Variants in ZC3H18 observed in about 807,000 individuals in gnomAD.
The protein encoded by ZC3H18 is zinc finger CCCH domain-containing protein 18.
ZC3H18 carries 8 observed loss-of-function variants against 106.1 expected under a neutral mutation model. The ratio of observed to expected loss-of-function variants is 0.08; its 90% CI spans 0.04 to 0.14. The LOEUF (loss-of-function observed/expected upper bound fraction) is 0.14. Among genes scored for constraint, ZC3H18 ranks in the 10% least tolerant of loss-of-function variants. The pLI, the probability that ZC3H18 is intolerant of heterozygous loss-of-function variation, is 1.00. For synonymous variants in ZC3H18, 635 were observed against 522.1 expected (o/e 1.22, Z -2.95); for missense variants, 1,318 against 1,278.4 (o/e 1.03, Z -0.47).
intron 10 of ZC3H18, chr16:88,623,677 A>G: frequency 1.8e-6 from 1 of 562,686 alleles, no homozygotes; most frequent in South Asian, 2.5e-5. Context: ...CTGCTGCCCC[A>G]CTGCCAAGGA....
chr16:88,594,347 T>G (rs1238714201), intron 3 of ZC3H18, among the ~76,000 whole-genome samples: 2 of 152,258 alleles, frequency 1.3e-5, no homozygotes, highest in Non-Finnish European at 2.9e-5. Context: ...TACGTATCAA[T>G]AGAAATGACA....
At position 88,580,155 on chromosome 16, in the gene ZC3H18, TC is replaced by T. The variant is rs570754764; in HGVS notation, c.603+2430del. On this transcript the variant is annotated intron_variant, in intron 2 of 17. Transcript: ENST00000301011. ...GCCTCTCTGTCGTGACACAGGTTCA[TC>T]TGTGTGTGTGTGTGTGTGTGTGTGT... Among the ~76,000 whole-genome samples, 341 of 136,250 alleles carry T rather than the reference TC, an allele frequency of 2.5e-3. 1 individual carries two copies. Among genetic ancestry groups the T allele is most frequent in the Non-Finnish European group, 4.2e-3 (268 of 64,014 alleles). The allele number at this position is 136,250 out of a possible 152,430, so 89.4% of individuals were successfully genotyped here.
At chr16:88,622,915 C>A in intron 9 of ZC3H18, 1 of 418,678 alleles carries the variant, frequency 2.4e-6, no homozygotes, top group Non-Finnish European at 4.4e-6. Context: ...TAGACACACA[C>A]ACGGACCCAC....
intron 6 of ZC3H18, among the ~76,000 whole-genome samples, chr16:88,602,984 A>C (rs556248417): frequency 6.7e-6 from 1 of 148,842 alleles, no homozygotes; most frequent in African/African-American, 2.5e-5. Context: ...TTTTTTTTTG[A>C]GACGGAGTCT....
At chr16:88,629,002 G>A (rs1906498274) in intron 16 of ZC3H18, 148 bp downstream of exon 16, 1 of 731,648 alleles carries the variant, frequency 1.4e-6, no homozygotes, top group Non-Finnish European at 2.3e-6. Context: ...CGGTATTTAG[G>A]GTGTTGAAAA....
chr16:88,623,314 G>C lies in ZC3H18; in HGVS notation c.1763G>C (p.Arg588Thr), dbSNP rs767513993. 5 of 1,613,666 alleles carry C rather than the reference G, an allele frequency of 3.1e-6. No homozygotes were observed. Among genetic ancestry groups the C allele is most frequent in the Non-Finnish European group, 3.4e-6 (4 of 1,179,992 alleles). Residue 588 changes from arginine to threonine, a missense_variant, in exon 10 of 18, where the codon AGA becomes ACA. By Grantham distance (71) the Arg-to-Thr change is moderately conservative. This residue lies in a region of ZC3H18 where 848 missense variants were observed against 821.7 expected (regional missense o/e 1.03). Coordinates refer to ENST00000301011, the MANE Select transcript of ZC3H18 (RefSeq NM_144604.4). ...AGCTCCTACTCCAGCCGCTCTTCCA[G>C]ACACAGCTCGTTCTCAGGAAGCCGG... Reference protein sequence around the residue: ...SYSSYSSRSSRHSSFSGSRSR... With the variant: ...SYSSYSSRSSTHSSFSGSRSR...
intron 5 of ZC3H18, among the ~76,000 whole-genome samples, chr16:88,599,225 C>T (rs533130637): frequency 1.3e-5 from 2 of 152,236 alleles, no homozygotes; most frequent in Admixed American, 1.3e-4. Flanking sequence ...CCAGGATCTG[C>T]ACCCCACACT....
chr16:88,601,270 A>G (rs1206918553), intron 6 of ZC3H18, among the ~76,000 whole-genome samples: 1 of 152,128 alleles, frequency 6.6e-6, no homozygotes, highest in Admixed American at 6.5e-5. Flanking sequence ...TTGAGTCAGA[A>G]CTCTGCAGGA....
intron 7 of ZC3H18, 144 bp from the exon 8 acceptor site, chr16:88,611,124 C>G: frequency 1.5e-6 from 1 of 677,310 alleles, no homozygotes; most frequent in Non-Finnish European, 2.7e-6. Context: ...GTCGGGAGCA[C>G]TTGGCGTTTT....
intron 8 of ZC3H18, among the ~76,000 whole-genome samples, chr16:88,620,783 T>TC (rs1454293397): frequency 5.3e-5 from 8 of 152,134 alleles, no homozygotes; most frequent in Non-Finnish European, 1.2e-4. Context: ...ACCCATTAAT[T>TC]CCATTGCTCA....
chr16:88,585,981 C>T (rs1474762132), intron 2 of ZC3H18, among the ~76,000 whole-genome samples: 5 of 152,090 alleles, frequency 3.3e-5, no homozygotes, highest in African/African-American at 1.2e-4. Flanking sequence ...TCCGTGGGAA[C>T]AGGCCCTGGG....
chr16:88,624,243 C>T (rs1906152209), intron 11 of ZC3H18, 181 bp downstream of exon 11: 10 of 810,226 alleles, frequency 1.2e-5, no homozygotes, highest in Non-Finnish European at 1.9e-5. Flanking sequence ...TCTCACGGGC[C>T]ACCCTTACAC....
intron 2 of ZC3H18, among the ~76,000 whole-genome samples, chr16:88,581,071 CT>C (rs1268641241): frequency 6.6e-6 from 1 of 152,234 alleles, no homozygotes; most frequent in Non-Finnish European, 1.5e-5. Flanking sequence ...GCACCCTGGT[CT>C]ACTGGATACC....
At chr16:88,578,676 C>T (rs1288529017) in intron 2 of ZC3H18, among the ~76,000 whole-genome samples, 2 of 151,956 alleles carry the variant, frequency 1.3e-5, no homozygotes, top group African/African-American at 2.4e-5. Flanking sequence ...GTGTAACCGC[C>T]GGTTTGCCTT....
In ZC3H18 at chr16:88,624,699, C is replaced by T. The variant is rs762087791; in HGVS notation, c.1996C>T (p.Arg666Trp). Residue 666 changes from arginine (R) to tryptophan (W), a missense_variant, in exon 12 of 18, where the codon CGG becomes TGG. Coordinates refer to ENST00000301011, the MANE Select transcript of ZC3H18 (RefSeq NM_144604.4). ...VPEPTKPGDP[R>W]EARRKERPAR... The stretch of plus-strand genomic sequence containing the variant: ...CGAGCCCACCAAGCCAGGAGACCCT[C>T]GGGAAGCCAGGAGGAAGGAGCGGCC... 1.5e-5 allele frequency: 24 copies of T among 1,613,608 alleles called. No homozygotes were observed. Among genetic ancestry groups the T allele is most frequent in the East Asian group, 2.2e-5 (1 of 44,862 alleles).
At chr16:88,602,042 C>T (rs1028508171) in intron 6 of ZC3H18, among the ~76,000 whole-genome samples, 1 of 152,240 alleles carries the variant, frequency 6.6e-6, no homozygotes, top group African/African-American at 2.4e-5. Flanking sequence ...AGCTGGGCTG[C>T]TGAGACCCGG....
At chr16:88,620,313 G>C (rs1905878421) in intron 8 of ZC3H18, among the ~76,000 whole-genome samples, 1 of 152,226 alleles carries the variant, frequency 6.6e-6, no homozygotes, top group African/African-American at 2.4e-5. Flanking sequence ...TGCAGGCCAG[G>C]CATGGCGGCT....
intron 5 of ZC3H18, among the ~76,000 whole-genome samples, 155 bp downstream of exon 5, chr16:88,598,867 TA>T (rs1904594517): frequency 6.6e-6 from 1 of 152,190 alleles, no homozygotes; most frequent in Non-Finnish European, 1.5e-5. Context: ...TTTATTTATT[TA>T]TTTTTTTGGA....
intron 8 of ZC3H18, among the ~76,000 whole-genome samples, chr16:88,616,731 T>C (rs905791946): frequency 1.1e-4 from 16 of 152,172 alleles, no homozygotes; most frequent in Non-Finnish European, 1.5e-5. Context: ...AGAACTTTTC[T>C]CACCTAAACT....
Sources: gnomAD v4.1 joint callset for allele counts (sites outside exome capture counted in the v4.1 genomes callset) on GRCh38, gnomAD v4.1.1 for gene constraint, gnomAD v4.1.1 regional missense constraint, MANE v1.5 for transcripts, NCBI Gene and HGNC (gene_info 2026-07-23, HGNC 2026-07-21) for gene names.